Variants in PIEZO2 observed in about 807,000 individuals in gnomAD.
The protein encoded by PIEZO2 is piezo-type mechanosensitive ion channel component 2.
Under a neutral mutation model 337.3 loss-of-function variants are expected in PIEZO2, and 172 were observed. The observed-to-expected ratio is 0.51, with a 90% CI of 0.45 to 0.58. PIEZO2 has a LOEUF of 0.58. Ranked by LOEUF, PIEZO2 falls within the 20% of genes least tolerant of loss-of-function variation. PIEZO2 has a pLI of 0.00. For synonymous variants in PIEZO2, 1,251 were observed against 1,228.5 expected, an observed-to-expected ratio of 1.02 and a Z score of -0.38; for missense variants, 3,028 against 3,391.3, an observed-to-expected ratio of 0.89 and a Z score of 2.66.
intron 7 of PIEZO2, among the ~76,000 whole-genome samples, chr18:10,849,427 CAA>C (rs1270981193): frequency 2.6e-5 from 4 of 151,838 alleles, no homozygotes; most frequent in African/African-American, 9.7e-5. Context: ...TAGAAAAACT[CAA>C]GTTTATCACG....
chr18:11,010,938 T>C (rs1237957333), intron 2 of PIEZO2, among the ~76,000 whole-genome samples: 1 of 152,214 alleles, frequency 6.6e-6, no homozygotes, highest in Non-Finnish European at 1.5e-5. Flanking sequence ...CCTTGCTAAA[T>C]GTTAGATTAG....
chr18:10,996,566 T>A (rs564252315), intron 2 of PIEZO2, among the ~76,000 whole-genome samples: 4 of 152,328 alleles, frequency 2.6e-5, no homozygotes, highest in African/African-American at 9.6e-5. Context: ...ATTTTTCACA[T>A]AAATGTAATC....
intron 14 of PIEZO2, among the ~76,000 whole-genome samples, chr18:10,790,502 A>G (rs1214964271): frequency 6.6e-6 from 1 of 152,228 alleles, no homozygotes; most frequent in Non-Finnish European, 1.5e-5. Flanking sequence ...AAAATTATCA[A>G]GGTGATAACA....
Position 10,758,063 on chromosome 18 carries a change from G to T in PIEZO2, c.3829C>A (p.Arg1277=), listed in dbSNP as rs762874609. 48 of 1,537,284 alleles carry T rather than the reference G, an allele frequency of 3.1e-5. No individual in the cohort carries two copies. The highest frequency in any genetic ancestry group is 4.9e-5 in the East Asian group (2 of 40,926). The change falls in exon 27 of 56, where the codon CGA becomes AGA. Residue 1277 remains arginine, a synonymous_variant. Transcript: ENST00000674853. ...TCGACATTGTCACCTGCCATGATTC[G>T]CACTGCAGCCTTGTTCTCATCCTCA... is the stretch of plus-strand genomic sequence containing the variant. ...IFEDENKAAV[R]IMAGDNVEIC...
rs571062541 is a variant in PIEZO2 at position 10,969,710 on chromosome 18, C to A, written c.286+9825G>T. Among the ~76,000 whole-genome samples, 1 of 152,040 alleles carries A rather than the reference C, an allele frequency of 6.6e-6. No individual in the cohort carries two copies. Among genetic ancestry groups the A allele is most frequent in the African/African-American group, 2.4e-5 (1 of 41,446 alleles). On this transcript the variant is annotated intron_variant, in intron 3 of 55. Transcript: ENST00000674853. This position sits in a 1 kb window ranked among gnomAD's most constrained non-coding sequence, Gnocchi z 4.5. Reference sequence around the variant, plus strand: ...AAAGATGAGAAATGGGAACAACTATCTGAGCAGGATTTGGGGTATGCACCT... The same window carrying A: ...AAAGATGAGAAATGGGAACAACTATATGAGCAGGATTTGGGGTATGCACCT...
intron 4 of PIEZO2, among the ~76,000 whole-genome samples, chr18:10,887,102 C>T (rs1339288803): frequency 2.1e-5 from 3 of 140,396 alleles, no homozygotes; most frequent in East Asian, 4.1e-4. Context: ...CAGAGTCTCG[C>T]TGTGTTGACC....
At chr18:10,702,240 A>G in intron 42 of PIEZO2, 69 bp from the exon 43 acceptor site, 1 of 1,397,986 alleles carries the variant, frequency 7.2e-7, no homozygotes, top group Non-Finnish European at 9.5e-7. Flanking sequence ...TATATGGGAA[A>G]GAGCAATATA....
At chr18:11,147,303 C>A (rs2040834455) in intron 1 of PIEZO2, among the ~76,000 whole-genome samples, 1 of 152,148 alleles carries the variant, frequency 6.6e-6, no homozygotes, top group African/African-American at 2.4e-5. Flanking sequence ...CCCCGCCTGG[C>A]CACACCTTCC....
rs2038689046 is a variant in PIEZO2 at position 11,080,217 on chromosome 18, T to TA, written c.65-13996dup. On this transcript the variant is annotated intron_variant, in intron 1 of 55. Transcript: ENST00000674853. This position sits in a 1 kb window ranked among gnomAD's most constrained non-coding sequence, Gnocchi z 5.4. ...AACTGAAGGGAAAACTATGGCTTTT[T>TA]ATCTTTATCATGTTAAAGTTTTTCA... is the stretch of plus-strand genomic sequence containing the variant. Among the ~76,000 whole-genome samples the TA allele has an allele frequency of 6.7e-6, 1 of 150,308 alleles. No homozygotes were observed. The highest frequency in any genetic ancestry group is 1.5e-5 in the Non-Finnish European group (1 of 68,012).
intron 4 of PIEZO2, among the ~76,000 whole-genome samples, chr18:10,889,690 G>A (rs1158683253): frequency 6.6e-6 from 1 of 152,166 alleles, no homozygotes; most frequent in Non-Finnish European, 1.5e-5. Flanking sequence ...GGTGAAGCAG[G>A]ACAACTGTTT....
rs1444105662 is a variant in PIEZO2, at chr18:10,853,864, A to G, written c.917+1489T>C. 2.0e-5 allele frequency among the ~76,000 whole-genome samples: 3 copies of G among 152,212 alleles called. No individual in the cohort carries two copies. Among genetic ancestry groups the G allele is most frequent in the Non-Finnish European group, 4.4e-5 (3 of 68,036 alleles). On this transcript the variant is annotated intron_variant, in intron 7 of 55. Coordinates refer to ENST00000674853, the MANE Select transcript of PIEZO2 (RefSeq NM_001378183.1). This position sits in a 1 kb window ranked among gnomAD's most constrained non-coding sequence, Gnocchi z 4.2. ...CTACCCACAAAACCATCATACACCT[A>G]AGAAATCAGCAATAATTCTATAGTC...
chr18:11,086,435 C>G (rs1265391133), intron 1 of PIEZO2, among the ~76,000 whole-genome samples: 2 of 151,244 alleles, frequency 1.3e-5, no homozygotes, highest in African/African-American at 4.9e-5. Context: ...AGGAGAATGG[C>G]CTGAACCCGG....
chr18:10,671,652 T>C lies in PIEZO2; in HGVS notation c.8473A>G (p.Thr2825Ala). 6.2e-7 allele frequency: 1 copy of C among 1,614,078 alleles called. No individual in the cohort carries two copies. Among genetic ancestry groups the C allele is most frequent in the Non-Finnish European group, 8.5e-7 (1 of 1,179,994 alleles). The change falls in exon 56 of 56, where the codon ACA becomes GCA. Residue 2825 changes from threonine (T) to alanine (A), a missense_variant. By Grantham distance (58) the Thr-to-Ala change is moderately conservative. Around this residue, in one of 5 missense-constraint regions of PIEZO2, gnomAD observed 332 missense variants for 363.8 expected, o/e 0.91. Coordinates refer to ENST00000674853, the MANE Select transcript of PIEZO2 (RefSeq NM_001378183.1). ...PNVDRILKLC[T>A]DIFLVRETGE... ...GTCTCTCGAACTAAAAAAATATCTG[T>C]GCACAACTTCAAAATTCGATCCACA...
rs1216501349 is a variant in PIEZO2, at chr18:10,854,383, G to A, written c.917+970C>T. Reference sequence around the variant, plus strand: ...GCAAGCACCAACAAGGTTCTACTTTGTCATTGTGCAACCACCACGACCTTT... The same window carrying A: ...GCAAGCACCAACAAGGTTCTACTTTATCATTGTGCAACCACCACGACCTTT... On this transcript the variant is annotated intron_variant, in intron 7 of 55. Coordinates refer to ENST00000674853, the MANE Select transcript of PIEZO2 (RefSeq NM_001378183.1). This position sits in a 1 kb window ranked among gnomAD's most constrained non-coding sequence, Gnocchi z 4.6. 6.6e-6 allele frequency among the ~76,000 whole-genome samples: 1 copy of A among 151,986 alleles called. No homozygotes were observed. The highest frequency in any genetic ancestry group is 2.4e-5 in the African/African-American group (1 of 41,380).
intron 1 of PIEZO2, among the ~76,000 whole-genome samples, chr18:11,107,447 G>A (rs987908326): frequency 6.6e-6 from 1 of 152,080 alleles, no homozygotes; most frequent in South Asian, 2.1e-4. Flanking sequence ...ATAATTTCAT[G>A]TACAGAGTTT....
Position 11,110,746 on chromosome 18 carries a change from G to A in PIEZO2, c.64+37779C>T, listed in dbSNP as rs574073905. Among the ~76,000 whole-genome samples the A allele has an allele frequency of 2.1e-4, 28 of 132,274 alleles. No individual in the cohort carries two copies. Among genetic ancestry groups the A allele is most frequent in the African/African-American group, 7.3e-4 (26 of 35,636 alleles). 86.8% of individuals were successfully genotyped at this position (132,274 alleles called of 152,430 possible). ...GTCTTGTGCTTCCTGCCTTGCCTCC[G>A]TCAAGCTGATGGCAGGCAGCTCTGG... On this transcript the variant is annotated intron_variant, in intron 1 of 55. Transcript: ENST00000674853. This position sits in a 1 kb window ranked among gnomAD's most constrained non-coding sequence, Gnocchi z 4.2.
At chr18:10,922,127 A>T (rs554570797) in intron 3 of PIEZO2, among the ~76,000 whole-genome samples, 2 of 152,158 alleles carry the variant, frequency 1.3e-5, no homozygotes, top group African/African-American at 2.4e-5. Flanking sequence ...TCTGTGACCC[A>T]CACCTGTTCA....
intron 47 of PIEZO2, among the ~76,000 whole-genome samples, chr18:10,693,663 A>T (rs565163085): frequency 1.7e-4 from 26 of 149,284 alleles, no homozygotes; most frequent in African/African-American, 5.4e-4. Flanking sequence ...ACCATGCCCA[A>T]CCCAATCCGG....
chr18:11,148,661 A>ATGGGCCT lies in PIEZO2; in HGVS notation c.-74_-73insAGGCCCA. 6.8e-7 allele frequency: 1 copy of ATGGGCCT among 1,465,768 alleles called. No homozygotes were observed. Among genetic ancestry groups the ATGGGCCT allele is most frequent in the Non-Finnish European group, 9.2e-7 (1 of 1,084,408 alleles). The allele number at this position is 1,465,768 out of a possible 1,614,324, so 90.8% of individuals were successfully genotyped here. ...CTAGGGGTGGTGGGACGCAAGGCCC[A>ATGGGCCT]TGCCCGTCTATGGCCTCTCGCCGCC... On this transcript the variant is annotated 5_prime_UTR_variant, in exon 1 of 56. It adds an upstream start codon to the 5' untranslated region. Transcript: ENST00000674853. This position sits in a 1 kb window ranked among gnomAD's most constrained non-coding sequence, Gnocchi z 5.2.
Sources: allele counts gnomAD v4.1 joint callset (sites outside exome capture counted in the v4.1 genomes callset), GRCh38; gene constraint gnomAD v4.1.1; regional missense constraint gnomAD v4.1.1; non-coding constraint Gnocchi (gnomAD v3.1); transcripts MANE v1.5; gene names NCBI Gene and HGNC (gene_info 2026-07-23, HGNC 2026-07-21).